MBOAT1: variants seen among roughly 807,000 people sequenced by gnomAD.
MBOAT1 encodes the protein membrane-bound glycerophospholipid O-acyltransferase 1.
MBOAT1 carries 67 observed loss-of-function variants against 64.4 expected under a neutral mutation model. The ratio of observed to expected loss-of-function variants is 1.04; its 90% CI spans 0.85 to 1.27. MBOAT1 has a LOEUF of 1.27. MBOAT1 is among the 50% of genes most tolerant of loss of function. The pLI is 0.00. For missense variants in MBOAT1, 563 were observed against 604.6 expected (o/e 0.93, Z 0.72); for synonymous variants, 229 against 218.9 (o/e 1.05, Z -0.41).
At chr6:20,122,024 G>A (rs546017304) in intron 8 of MBOAT1, among the ~76,000 whole-genome samples, 39 of 152,208 alleles carry the variant, frequency 2.6e-4, no homozygotes, top group African/African-American at 9.2e-4. Flanking sequence ...AATCAGCTGG[G>A]TGTGGTGGTA....
At chr6:20,145,255 CAAG>C (rs1270266494) in intron 3 of MBOAT1, among the ~76,000 whole-genome samples, 1 of 152,014 alleles carries the variant, frequency 6.6e-6, no homozygotes, top group African/African-American at 2.4e-5. Context: ...TGTGAGGATA[CAAG>C]AAGACGGCAG....
At chr6:20,123,900 C>CA (rs58608380) in intron 8 of MBOAT1, among the ~76,000 whole-genome samples, 45 of 151,886 alleles carry the variant, frequency 3.0e-4, no homozygotes, top group African/African-American at 9.2e-4. Flanking sequence ...ACTAAAAATA[C>CA]AAAAAAAATT....
At chr6:20,169,497 C>A (rs1251274347) in intron 1 of MBOAT1, among the ~76,000 whole-genome samples, 2 of 151,678 alleles carry the variant, frequency 1.3e-5, no homozygotes, top group Non-Finnish European at 2.9e-5. Context: ...TCCCTAGGAA[C>A]TGAACTATTT....
At chr6:20,208,445 C>CAAAAAAAAAAAAAAATA (rs10527757) in intron 1 of MBOAT1, among the ~76,000 whole-genome samples, 4 of 74,858 alleles carry the variant, frequency 5.3e-5, no homozygotes, top group African/African-American at 1.7e-4. Flanking sequence ...GACTCTGTCT[C>CAAAAAAAAAAAAAAATA]AAAAAAAAAA....
chr6:20,203,228 G>A (rs1462559676), intron 1 of MBOAT1, among the ~76,000 whole-genome samples: 2 of 152,000 alleles, frequency 1.3e-5, no homozygotes, highest in Non-Finnish European at 2.9e-5. Context: ...TCTTTCGTAT[G>A]TATGACTTGA....
At chr6:20,117,801 G>C (rs575539322) in intron 9 of MBOAT1, among the ~76,000 whole-genome samples, 1 of 152,294 alleles carries the variant, frequency 6.6e-6, no homozygotes, top group East Asian at 1.9e-4. Flanking sequence ...AGCTGCAAGG[G>C]GGAAAGGATC....
intron 1 of MBOAT1, among the ~76,000 whole-genome samples, chr6:20,195,313 C>T (rs1762923922): frequency 6.6e-6 from 1 of 152,184 alleles, no homozygotes; most frequent in Non-Finnish European, 1.5e-5. Flanking sequence ...GTTGCTCAGA[C>T]TGTTCCAGCT....
intron 12 of MBOAT1, among the ~76,000 whole-genome samples, chr6:20,106,704 G>A (rs548727597): frequency 2.0e-5 from 3 of 152,294 alleles, no homozygotes; most frequent in South Asian, 4.1e-4. Context: ...TTACAGGCAT[G>A]AGCCACCGCG....
chr6:20,209,394 T>C (rs1763354710), intron 1 of MBOAT1, among the ~76,000 whole-genome samples: 1 of 152,188 alleles, frequency 6.6e-6, no homozygotes, highest in Non-Finnish European at 1.5e-5. Context: ...CACACAGGCT[T>C]TCCTATTTAA....
chr6:20,138,517 A>T (rs1344382734), intron 4 of MBOAT1, among the ~76,000 whole-genome samples: 2 of 152,266 alleles, frequency 1.3e-5, no homozygotes. Context: ...CACGATGTTC[A>T]GAAGCACGTG....
chr6:20,161,876 G>A (rs1479587713), intron 1 of MBOAT1, among the ~76,000 whole-genome samples: 1 of 152,152 alleles, frequency 6.6e-6, no homozygotes, highest in East Asian at 1.9e-4. Flanking sequence ...CCAAAAACTG[G>A]AGGGTGGGTT....
chr6:20,210,347 C>T (rs1244354693), intron 1 of MBOAT1, among the ~76,000 whole-genome samples: 2 of 152,164 alleles, frequency 1.3e-5, no homozygotes, highest in African/African-American at 4.8e-5. Flanking sequence ...ACACACAAAG[C>T]TTCCAAACTC....
intron 4 of MBOAT1, among the ~76,000 whole-genome samples, chr6:20,138,010 C>G (rs942611630): frequency 1.3e-5 from 2 of 152,148 alleles, no homozygotes; most frequent in Non-Finnish European, 2.9e-5. Context: ...GCTCGCATGC[C>G]TGTAATGAGA....
At chr6:20,109,113 T>A (rs1760043821) in intron 12 of MBOAT1, among the ~76,000 whole-genome samples, 1 of 152,138 alleles carries the variant, frequency 6.6e-6, no homozygotes, top group African/African-American at 2.4e-5. Flanking sequence ...CTCCAACACG[T>A]GCAACTGGCA....
At chr6:20,172,550 C>A (rs9460462) in intron 1 of MBOAT1, among the ~76,000 whole-genome samples, 12,920 of 152,216 alleles carry the variant, frequency 0.085, 540 homozygotes, top group Middle Eastern at 0.12. Flanking sequence ...AACTCTTGCT[C>A]TTAAAATCAA....
intron 4 of MBOAT1, 136 bp downstream of exon 4, chr6:20,144,084 A>G (rs917781038): frequency 9.6e-6 from 6 of 624,130 alleles, no homozygotes; most frequent in African/African-American, 1.8e-5. Flanking sequence ...TCCAGCCTCA[A>G]TCCCATTAGC....
chr6:20,117,562 C>G lies in MBOAT1; in HGVS notation c.1011+875G>C, dbSNP rs1760364739. On this transcript the variant is annotated intron_variant, in intron 9 of 12. Coordinates refer to ENST00000324607, the MANE Select transcript of MBOAT1 (RefSeq NM_001080480.3). Reference sequence around the variant, plus strand: ...CTCAGGCAAAAGATGTTGGGGGCTTCCCCCATGCCTCCTTCTGGCCTAGTT... The same window carrying G: ...CTCAGGCAAAAGATGTTGGGGGCTTGCCCCATGCCTCCTTCTGGCCTAGTT... Among the ~76,000 whole-genome samples the G allele has an allele frequency of 2.6e-5, 4 of 152,238 alleles. No homozygotes were observed. The South Asian group carries it at 8.3e-4, about 32-fold the overall frequency.
chr6:20,115,738 G>A (rs1298887622), intron 9 of MBOAT1, among the ~76,000 whole-genome samples: 1 of 152,094 alleles, frequency 6.6e-6, no homozygotes, highest in Non-Finnish European at 1.5e-5. Flanking sequence ...GCCGTTATGG[G>A]GACAGCTTAA....
intron 1 of MBOAT1, among the ~76,000 whole-genome samples, chr6:20,168,193 A>C (rs754101907): frequency 4.6e-5 from 7 of 152,180 alleles, no homozygotes. Flanking sequence ...ATTTATTTTA[A>C]AATTCTTAGA....
Sources: allele counts gnomAD v4.1 joint callset (sites outside exome capture counted in the v4.1 genomes callset), GRCh38; gene constraint gnomAD v4.1.1; transcripts MANE v1.5; gene names NCBI Gene and HGNC (gene_info 2026-07-23, HGNC 2026-07-21).